ZMYND8: variants seen among roughly 807,000 people sequenced by gnomAD.
The protein encoded by ZMYND8 is zinc finger MYND-type containing 8, also known as MYND-type zinc finger-containing chromatin reader ZMYND8.
In ZMYND8, 37 loss-of-function variants were observed where a neutral mutation model predicts 140.8. The ratio of observed to expected loss-of-function variants is 0.26; its 90% CI spans 0.20 to 0.35. The LOEUF (loss-of-function observed/expected upper bound fraction) is 0.35, where lower values mean the gene tolerates loss of function less well. ZMYND8 is among the 10% of genes least tolerant of loss of function. ZMYND8 has a pLI of 1.00. For synonymous variants in ZMYND8, 592 were observed against 597.1 expected (o/e 0.99, Z 0.12); for missense variants, 1,068 against 1,570.0 (o/e 0.68, Z 5.40).
intron 16 of ZMYND8, among the ~76,000 whole-genome samples, chr20:47,230,820 G>A (rs562369029): frequency 1.5e-4 from 23 of 151,652 alleles, no homozygotes; most frequent in Non-Finnish European, 2.4e-4. Context: ...CCACTCCCCC[G>A]GCCTTAGTCT....
At chr20:47,324,440 A>T (rs921163393) in intron 2 of ZMYND8, among the ~76,000 whole-genome samples, 1 of 151,920 alleles carries the variant, frequency 6.6e-6, no homozygotes, top group African/African-American at 2.4e-5. Flanking sequence ...AATCGCTTGA[A>T]CCTGGGAGGC....
At chr20:47,291,565 A>G (rs2147976177) in intron 6 of ZMYND8, among the ~76,000 whole-genome samples, 1 of 152,356 alleles carries the variant, frequency 6.6e-6, no homozygotes, top group Middle Eastern at 3.4e-3. Flanking sequence ...AATCATCGCA[A>G]AAGTATTACC....
At chr20:47,216,948 G>A (rs2036216972) in intron 21 of ZMYND8, among the ~76,000 whole-genome samples, 1 of 152,202 alleles carries the variant, frequency 6.6e-6, no homozygotes. Context: ...TGTGATGAGA[G>A]GAGTTTGTGT....
intron 11 of ZMYND8, among the ~76,000 whole-genome samples, chr20:47,276,020 G>A (rs999991988): frequency 2.4e-4 from 36 of 152,162 alleles, no homozygotes; most frequent in African/African-American, 8.4e-4. Context: ...TTTGTGTTAT[G>A]GAAAGTCAAT....
chr20:47,244,759 G>T (rs560797021), intron 14 of ZMYND8, among the ~76,000 whole-genome samples: 1 of 152,296 alleles, frequency 6.6e-6, no homozygotes, highest in Non-Finnish European at 1.5e-5. Context: ...ATGCAAATAA[G>T]ATTAAAAGCC....
intron 1 of ZMYND8, 54 bp downstream of exon 1, chr20:47,356,603 A>C: frequency 6.2e-7 from 1 of 1,614,086 alleles, no homozygotes; most frequent in Non-Finnish European, 8.5e-7. Context: ...CTCGCCCACA[A>C]TTCGGATGTC....
At chr20:47,263,331 G>A (rs1043601482) in intron 11 of ZMYND8, among the ~76,000 whole-genome samples, 1 of 152,234 alleles carries the variant, frequency 6.6e-6, no homozygotes, top group Admixed American at 6.5e-5. Flanking sequence ...AACATTCTGA[G>A]TTGATCTGGT....
chr20:47,333,640 C>T lies in ZMYND8; in HGVS notation c.85+14216G>A, dbSNP rs541365240. Among the ~76,000 whole-genome samples, 7 of 141,250 alleles carry T rather than the reference C, an allele frequency of 5.0e-5. No individual in the cohort carries two copies. The South Asian group carries it at 6.8e-4, about 14-fold the overall frequency. The allele number at this position is 141,250 out of a possible 152,430, so 92.7% of individuals were successfully genotyped here. ...CCTCGGGAGACTAAGGCAGGAGAAT[C>T]GCTTGAACCTGGGAGGCAAAGGTTG... is the stretch of plus-strand genomic sequence containing the variant. On this transcript the variant is annotated intron_variant, in intron 2 of 22. Coordinates refer to ENST00000471951, the MANE Select transcript of ZMYND8 (RefSeq NM_001281775.3).
In ZMYND8 at chr20:47,234,176, G is replaced by A. The variant is rs188739030; in HGVS notation, c.2856+2150C>T. On this transcript the variant is annotated intron_variant, in intron 16 of 22. Transcript: ENST00000471951. ...CAAGTCTCGTGTACCAGCCTCCTAA[G>A]TAGCTGGGACTACAGGCGCATGCCA... Among the ~76,000 whole-genome samples the A allele has an allele frequency of 6.6e-5, 10 of 152,326 alleles. No homozygotes were observed. In the East Asian group the frequency reaches 1.5e-3, roughly 24 times the overall value.
At chr20:47,297,168 A>G (rs1240063021) in intron 4 of ZMYND8, among the ~76,000 whole-genome samples, 1 of 152,148 alleles carries the variant, frequency 6.6e-6, no homozygotes, top group African/African-American at 2.4e-5. Context: ...ATATTTCTCC[A>G]TCTAGAGTAA....
chr20:47,255,722 G>GTATGTATATATA (rs1555924863), intron 12 of ZMYND8, among the ~76,000 whole-genome samples: 1 of 77,766 alleles, frequency 1.3e-5, no homozygotes, highest in Non-Finnish European at 2.3e-5. Context: ...GTGTATGTGT[G>GTATGTATATATA]TATATATATA....
chr20:47,294,580 G>T (rs900206827), intron 5 of ZMYND8, 86 bp downstream of exon 5: 4 of 1,263,000 alleles, frequency 3.2e-6, no homozygotes, highest in Non-Finnish European at 4.6e-6. Flanking sequence ...AATACATCAG[G>T]TACCTAAAAA....
chr20:47,226,989 G>A (rs1174203890), intron 18 of ZMYND8, among the ~76,000 whole-genome samples: 2 of 152,120 alleles, frequency 1.3e-5, no homozygotes, highest in South Asian at 2.1e-4. Flanking sequence ...TGTTGAGGCT[G>A]GTGTTCTGAA....
At chr20:47,226,605 C>T (rs1348399815) in intron 18 of ZMYND8, among the ~76,000 whole-genome samples, 5 of 151,954 alleles carry the variant, frequency 3.3e-5, no homozygotes, top group Non-Finnish European at 7.4e-5. Flanking sequence ...TTCCTCAACA[C>T]GTCGGTTTCT....
chr20:47,277,336 G>A (rs533996918), intron 10 of ZMYND8, among the ~76,000 whole-genome samples: 1 of 152,368 alleles, frequency 6.6e-6, no homozygotes, highest in East Asian at 1.9e-4. Context: ...TCCCAGGCCA[G>A]TTCCATCTTC....
chr20:47,247,451 C>G (rs2040707239), intron 13 of ZMYND8, among the ~76,000 whole-genome samples: 1 of 152,226 alleles, frequency 6.6e-6, no homozygotes, highest in African/African-American at 2.4e-5. Flanking sequence ...ATACTTCTGT[C>G]TCTTTCAAAA....
intron 11 of ZMYND8, among the ~76,000 whole-genome samples, chr20:47,263,998 TG>T (rs1456135111): frequency 1.3e-5 from 2 of 151,754 alleles, no homozygotes; most frequent in Admixed American, 1.3e-4. Context: ...TTTAGGAGAG[TG>T]GGGGGTTGCT....
chr20:47,302,263 T>A (rs2078114386), intron 3 of ZMYND8, among the ~76,000 whole-genome samples: 1 of 152,072 alleles, frequency 6.6e-6, no homozygotes, highest in African/African-American at 2.4e-5. Context: ...TCACCTGAGA[T>A]CAGGAGTTCC....
At chr20:47,280,394 T>C (rs1316063226) in intron 10 of ZMYND8, among the ~76,000 whole-genome samples, 1 of 152,138 alleles carries the variant, frequency 6.6e-6, no homozygotes, top group African/African-American at 2.4e-5. Context: ...ACAGCTCTCA[T>C]CCAGAACCAA....
Sources: allele counts gnomAD v4.1 joint callset (sites outside exome capture counted in the v4.1 genomes callset), GRCh38; gene constraint gnomAD v4.1.1; transcripts MANE v1.5; gene names NCBI Gene and HGNC (gene_info 2026-07-23, HGNC 2026-07-21).